The following FRMPD2 variants were observed in gnomAD, a reference collection of about 807,000 sequenced individuals.
FRMPD2 encodes the protein FERM and PDZ domain containing 2, also known as FERM and PDZ domain-containing protein 2.
Under a neutral mutation model 140.1 loss-of-function variants are expected in FRMPD2, and 96 were observed. That is an observed-to-expected ratio of 0.69 (90% CI 0.58 to 0.81). FRMPD2 has a LOEUF of 0.81. Ranked by LOEUF, FRMPD2 falls within the 40% of genes least tolerant of loss-of-function variation. FRMPD2 has a pLI of 0.00. For missense variants in FRMPD2, 1,240 were observed against 1,447.4 expected (o/e 0.86, Z 2.32); for synonymous variants, 449 against 547.6 (o/e 0.82, Z 2.52).
At position 48,273,631 on chromosome 10, in the gene FRMPD2, G is replaced by A. The variant is rs1034718007; in HGVS notation, c.25+912C>T. ...CAGGAGCCCGTGCCACCTCCATTTC[G>A]GCACTTGCTATCACCGCCAGTTTTC... On this transcript the variant is annotated intron_variant, in intron 1 of 28. Transcript: ENST00000374201. Among the ~76,000 whole-genome samples, 38 of 152,006 alleles carry A rather than the reference G, an allele frequency of 2.5e-4. 1 individual carries two copies. The highest frequency in any genetic ancestry group is 2.4e-5 in the African/African-American group (1 of 41,362).
chr10:48,204,343 G>A (rs1564424440), intron 14 of FRMPD2, among the ~76,000 whole-genome samples: 1 of 152,052 alleles, frequency 6.6e-6, no homozygotes, highest in Non-Finnish European at 1.5e-5. Flanking sequence ...CAGGTTTCCT[G>A]CATTTGCAGC....
At chr10:48,273,116 A>T (rs1840797324) in intron 1 of FRMPD2, among the ~76,000 whole-genome samples, 1 of 152,178 alleles carries the variant, frequency 6.6e-6, no homozygotes, top group African/African-American at 2.4e-5. Context: ...TGAACTTATT[A>T]GATGCATATG....
At chr10:48,218,326 C>T (rs909538011) in intron 12 of FRMPD2, among the ~76,000 whole-genome samples, 5 of 152,220 alleles carry the variant, frequency 3.3e-5, no homozygotes, top group East Asian at 1.9e-4. Flanking sequence ...ACCCCGATGA[C>T]GTAGCAGACT....
chr10:48,186,084 G>C (rs1838678115), intron 17 of FRMPD2, among the ~76,000 whole-genome samples: 2 of 152,234 alleles, frequency 1.3e-5, no homozygotes, highest in South Asian at 4.1e-4. Flanking sequence ...CAAATAACCA[G>C]GGGTGACAAG....
At chr10:48,213,912 T>A (rs1201783999) in intron 12 of FRMPD2, among the ~76,000 whole-genome samples, 3 of 152,198 alleles carry the variant, frequency 2.0e-5, no homozygotes, top group Non-Finnish European at 4.4e-5. Context: ...GTAATTCTTG[T>A]CATATCCAAC....
intron 10 of FRMPD2, among the ~76,000 whole-genome samples, chr10:48,225,586 G>C (rs1276961289): frequency 6.6e-6 from 1 of 152,140 alleles, no homozygotes; most frequent in Non-Finnish European, 1.5e-5. Flanking sequence ...AGCCTCCTGG[G>C]ATGCACCTGT....
rs747340642 is a variant in FRMPD2 at position 48,236,488 on chromosome 10, C to G, written c.987G>C (p.Ser329=). The part of the protein sequence containing the change: ...EAPMTLHLPG[S]VVTKKGKSYL... The stretch of plus-strand genomic sequence containing the variant: ...AGTCTAGCCCAGTAGTTACCACAAC[C>G]GATCCCGGCAGATGTAGTGTCATCG... The change falls in exon 9 of 29, where the codon TCG becomes TCC. Residue 329 remains serine (S), a synonymous_variant. Transcript: ENST00000374201. 1.9e-6 allele frequency: 3 copies of G among 1,614,148 alleles called. No homozygotes were observed. The highest frequency in any genetic ancestry group is 1.7e-5 in the Admixed American group (1 of 60,022).
chr10:48,238,227 T>A, intron 7 of FRMPD2, 104 bp from the exon 8 acceptor site: 1 of 1,156,550 alleles, frequency 8.6e-7, no homozygotes, highest in Non-Finnish European at 1.2e-6. Flanking sequence ...GTGCACCCAC[T>A]GATGCATGTC....
intron 12 of FRMPD2, among the ~76,000 whole-genome samples, chr10:48,213,009 A>G (rs1839364232): frequency 6.6e-6 from 1 of 152,172 alleles, no homozygotes; most frequent in Non-Finnish European, 1.5e-5. Flanking sequence ...TGGGCAAGCC[A>G]TTTCCCTCCA....
intron 3 of FRMPD2, among the ~76,000 whole-genome samples, chr10:48,248,346 C>A (rs954347024): frequency 3.9e-5 from 6 of 152,190 alleles, no homozygotes; most frequent in Non-Finnish European, 8.8e-5. Context: ...CCAAAAACCT[C>A]CACTGATGTT....
At chr10:48,207,624 A>C (rs575224658) in intron 13 of FRMPD2, among the ~76,000 whole-genome samples, 1 of 152,282 alleles carries the variant, frequency 6.6e-6, no homozygotes, top group Admixed American at 6.5e-5. Flanking sequence ...AAATGAACAC[A>C]AATGTTTCTA....
chr10:48,255,912 A>T (rs967471067), intron 1 of FRMPD2, among the ~76,000 whole-genome samples: 5 of 152,204 alleles, frequency 3.3e-5, no homozygotes, highest in African/African-American at 1.2e-4. Context: ...GGCAGGTGGG[A>T]GGTGGAGTTG....
chr10:48,187,211 A>G lies in FRMPD2; in HGVS notation c.2247T>C (p.Pro749=). Residue 749 remains proline (P), a synonymous_variant, in exon 17 of 29, where the codon CCT becomes CCC. Transcript: ENST00000374201. Reference sequence around the variant, plus strand: ...CCATACCTGCATGCATGCTCTGAACAGGTGGTCCAGAGAGAGAGTCCCAGG... The same window carrying G: ...CCATACCTGCATGCATGCTCTGAACGGGTGGTCCAGAGAGAGAGTCCCAGG... ...PMTWDSLSGP[P]VQSMHAGSKN... 6.2e-7 allele frequency: 1 copy of G among 1,613,392 alleles called. No homozygotes were observed.
intron 10 of FRMPD2, among the ~76,000 whole-genome samples, chr10:48,226,764 C>A (rs1839731737): frequency 6.6e-6 from 1 of 152,226 alleles, no homozygotes; most frequent in African/African-American, 2.4e-5. Flanking sequence ...TGTTTTTTGT[C>A]CAACCCAGTA....
intron 10 of FRMPD2, among the ~76,000 whole-genome samples, chr10:48,231,347 T>C (rs1839843267): frequency 6.6e-6 from 1 of 152,028 alleles, no homozygotes; most frequent in African/African-American, 2.4e-5. Context: ...GCTACATGAG[T>C]CACACAAGGA....
At chr10:48,263,006 G>C (rs933177002) in intron 1 of FRMPD2, among the ~76,000 whole-genome samples, 8 of 151,990 alleles carry the variant, frequency 5.3e-5, no homozygotes, top group African/African-American at 1.7e-4. Flanking sequence ...ATCAATAACA[G>C]AAGGATAGCC....
Position 48,181,026 on chromosome 10 carries a change from GAA to G in FRMPD2, c.2585-20_2585-19del. ...ACCAACACCTATAAAAACAAGCCAAGAAAAAGTCAACAGCTTAAAAAGGCCGG... is the reference window on the plus strand; with the variant it reads ...ACCAACACCTATAAAAACAAGCCAAGAAAGTCAACAGCTTAAAAAGGCCGG... On this transcript the variant is annotated intron_variant, in intron 20 of 28. Transcript: ENST00000374201. 7.5e-7 allele frequency: 1 copy of G among 1,330,506 alleles called. No individual in the cohort carries two copies. The highest frequency in any genetic ancestry group is 1.1e-6 in the Non-Finnish European group (1 of 922,220). The allele number at this position is 1,330,506 out of a possible 1,614,324, so 82.4% of individuals were successfully genotyped here. A position where few individuals can be genotyped will look rare whatever the true frequency, so the allele number is the denominator to read the frequency against.
chr10:48,236,504 A>G lies in FRMPD2; in HGVS notation c.971T>C (p.Leu324Pro), dbSNP rs1285569726. Residue 324 changes from leucine to proline, a missense_variant, in exon 9 of 29, where the codon CTA becomes CCA. By Grantham distance (98) the Leu-to-Pro change is moderately conservative. Coordinates refer to ENST00000374201, the MANE Select transcript of FRMPD2 (RefSeq NM_001018071.4). ...ILLAGEAPMT[L>P]HLPGSVVTKK... The stretch of plus-strand genomic sequence containing the variant: ...TACCACAACCGATCCCGGCAGATGT[A>G]GTGTCATCGGGGCCTCTCCAGCCAA... 2.5e-6 allele frequency: 4 copies of G among 1,614,058 alleles called. No individual in the cohort carries two copies. The East Asian group carries it at 6.7e-5, about 27-fold the overall frequency.
intron 10 of FRMPD2, among the ~76,000 whole-genome samples, chr10:48,227,591 C>A (rs1372526395): frequency 6.6e-6 from 1 of 152,226 alleles, no homozygotes; most frequent in Non-Finnish European, 1.5e-5. Flanking sequence ...TTTGTGGAAG[C>A]CTCTCGTATC....
Sources: allele counts gnomAD v4.1 joint callset (sites outside exome capture counted in the v4.1 genomes callset), GRCh38; gene constraint gnomAD v4.1.1; transcripts MANE v1.5; gene names NCBI Gene and HGNC (gene_info 2026-07-23, HGNC 2026-07-21).